Variants in CD59 observed in about 807,000 individuals in gnomAD.
CD59 encodes CD59 molecule (CD59 blood group).
A neutral mutation model predicts 7.0 loss-of-function variants in CD59; 3 were observed. The observed-to-expected ratio is 0.43, with a 90% CI of 0.19 to 1.10. CD59 has a LOEUF of 1.10. Among genes scored for constraint, CD59 ranks in the 50% least tolerant of loss-of-function variants. CD59 has a pLI of 0.29. For synonymous variants in CD59, 60 were observed against 62.0 expected (o/e 0.97, Z 0.15); for missense variants, 143 against 151.0 (o/e 0.95, Z 0.28).
At chr11:33,724,839 G>A (rs1365675735) in intron 1 of CD59, among the ~76,000 whole-genome samples, 1 of 152,300 alleles carries the variant, frequency 6.6e-6, no homozygotes, top group Non-Finnish European at 1.5e-5. Context: ...GGGAAGCCAA[G>A]ACAGCAGAGA....
At chr11:33,733,933 A>G (rs1045139167) in intron 1 of CD59, among the ~76,000 whole-genome samples, 1 of 152,198 alleles carries the variant, frequency 6.6e-6, no homozygotes, top group Non-Finnish European at 1.5e-5. Flanking sequence ...AATAAAACCC[A>G]ATGTTTTTAT....
intron 1 of CD59, among the ~76,000 whole-genome samples, chr11:33,731,688 G>C (rs1854421767): frequency 6.6e-6 from 1 of 152,232 alleles, no homozygotes; most frequent in South Asian, 2.1e-4. Context: ...GGGTTAGAGG[G>C]TGACCTGGCA....
In CD59 at chr11:33,706,570, A is replaced by C. The variant is rs1324060058; in HGVS notation, c.*3556T>G. On this transcript the variant is annotated 3_prime_UTR_variant, in exon 4 of 4. Transcript: ENST00000642928. ...AGGGTTTAAAAAAAAAAAAAAAAAA[A>C]AACTTGTCCAGAGACATAGCCAATT... 3 of 151,960 alleles carry C rather than the reference A, an allele frequency of 2.0e-5. No individual in the cohort carries two copies. Among genetic ancestry groups the C allele is most frequent in the Admixed American group, 1.3e-4 (2 of 15,258 alleles). 9.4% of individuals were successfully genotyped at this position (151,960 alleles called of 1,614,324 possible). A position where few individuals can be genotyped will look rare whatever the true frequency, so the allele number is the denominator to read the frequency against.
rs1220752831 is a variant in CD59, at chr11:33,723,011, G to C, written c.-18-548C>G. 4 of 1,009,230 alleles carry C rather than the reference G, an allele frequency of 4.0e-6. No individual in the cohort carries two copies. The African/African-American group carries it at 6.9e-5, about 17-fold the overall frequency. 62.5% of individuals were successfully genotyped at this position (1,009,230 alleles called of 1,614,324 possible). On this transcript the variant is annotated intron_variant, in intron 1 of 3. Transcript: ENST00000642928. ...AGAGAGGTATTGAGCAACTTTGTAA[G>C]TTTCCATTACGTGAATGCCTAGATG... is the stretch of plus-strand genomic sequence containing the variant.
At chr11:33,734,588 C>T (rs1854510652) in intron 1 of CD59, among the ~76,000 whole-genome samples, 1 of 152,222 alleles carries the variant, frequency 6.6e-6, no homozygotes, top group Non-Finnish European at 1.5e-5. Context: ...AAATCTGCAG[C>T]TTCCCCTACA....
chr11:33,711,631 T>G (rs1853564627), intron 3 of CD59: 1 of 512,434 alleles, frequency 2.0e-6, no homozygotes, highest in Non-Finnish European at 3.4e-6. Context: ...GAGCTATGAT[T>G]GTACTGCTGC....
rs1390656103 is a variant in CD59, at chr11:33,704,664, T to A, written c.*5462A>T. 6.6e-6 allele frequency: 1 copy of A among 152,212 alleles called. No individual in the cohort carries two copies. The highest frequency in any genetic ancestry group is 1.5e-5 in the Non-Finnish European group (1 of 68,030). 9.4% of individuals were successfully genotyped at this position (152,212 alleles called of 1,614,324 possible). On this transcript the variant is annotated 3_prime_UTR_variant, in exon 4 of 4. Transcript: ENST00000642928. Reference sequence around the variant, plus strand: ...CTGAGGCATGTAAGGTTAAGTAACTTGCCTGAGGGTCGCCGATTAGCATCA... The same window carrying A: ...CTGAGGCATGTAAGGTTAAGTAACTAGCCTGAGGGTCGCCGATTAGCATCA...
At position 33,705,189 on chromosome 11, in the gene CD59, A is replaced by G. The variant is rs1853261924; in HGVS notation, c.*4937T>C. 1 of 152,206 alleles carries G rather than the reference A, an allele frequency of 6.6e-6. No homozygotes were observed. Among genetic ancestry groups the G allele is most frequent in the South Asian group, 2.1e-4 (1 of 4,834 alleles). 9.4% of individuals were successfully genotyped at this position (152,206 alleles called of 1,614,324 possible). Reference sequence around the variant, plus strand: ...CTTGGGCAAAATAACCGTAGCTAACACTTAGTGACCACTTACTGTTGTGCG... The same window carrying G: ...CTTGGGCAAAATAACCGTAGCTAACGCTTAGTGACCACTTACTGTTGTGCG... On this transcript the variant is annotated 3_prime_UTR_variant, in exon 4 of 4. Coordinates refer to ENST00000642928, the MANE Select transcript of CD59 (RefSeq NM_000611.6).
intron 2 of CD59, 157 bp from the exon 3 acceptor site, chr11:33,717,628 TAC>T: frequency 4.6e-6 from 3 of 654,318 alleles, no homozygotes; most frequent in Admixed American, 4.3e-5. Flanking sequence ...AAATTCAAAC[TAC>T]AGTTCCAGCA....
intron 2 of CD59, chr11:33,718,570 T>C (rs1853908691): frequency 6.6e-6 from 1 of 152,124 alleles, no homozygotes. Context: ...TACCCCCTTC[T>C]AAGGGACTGA....
chr11:33,731,569 C>G (rs1353122628), intron 1 of CD59: 1 of 152,126 alleles, frequency 6.6e-6, no homozygotes, highest in Non-Finnish European at 1.5e-5. Flanking sequence ...GACTCCAGCC[C>G]TAGAGGTTTT....
chr11:33,714,543 A>G (rs968159682), intron 3 of CD59, among the ~76,000 whole-genome samples: 1 of 152,198 alleles, frequency 6.6e-6, no homozygotes, highest in Non-Finnish European at 1.5e-5. Flanking sequence ...AGTCCACACT[A>G]AGCTTATTTT....
chr11:33,710,088 G>A lies in CD59; in HGVS notation c.*38C>T, dbSNP rs745640190. The A allele has an allele frequency of 1.4e-6, 2 of 1,464,938 alleles. No homozygotes were observed. Among genetic ancestry groups the A allele is most frequent in the Non-Finnish European group, 1.9e-6 (2 of 1,052,052 alleles). 90.7% of individuals were successfully genotyped at this position (1,464,938 alleles called of 1,614,324 possible). A position where few individuals can be genotyped will look rare whatever the true frequency, so the allele number is the denominator to read the frequency against. On this transcript the variant is annotated 3_prime_UTR_variant, in exon 4 of 4. Transcript: ENST00000642928. ...GCAGCAAGAGAAAGCGGACTACGCA[G>A]GAACGGGGAGTTTGGGAGAAGCTCT...
At chr11:33,723,396 T>C (rs1369753016) in intron 1 of CD59, among the ~76,000 whole-genome samples, 3 of 152,138 alleles carry the variant, frequency 2.0e-5, no homozygotes, top group Non-Finnish European at 4.4e-5. Context: ...TTCTCACACA[T>C]CTTGAAGGTC....
chr11:33,734,983 C>T (rs376952613), intron 1 of CD59, among the ~76,000 whole-genome samples: 2 of 152,204 alleles, frequency 1.3e-5, no homozygotes, highest in African/African-American at 4.8e-5. Context: ...GTTTTTCTTA[C>T]AGCTAAGTTC....
chr11:33,710,368 A>G (rs375078912), intron 3 of CD59, 25 bp from the exon 4 acceptor site: 7 of 1,561,332 alleles, frequency 4.5e-6, no homozygotes, highest in Non-Finnish European at 6.2e-6. Context: ...ACACAAGGGT[A>G]AGAAAGTAAG....
Position 33,707,548 on chromosome 11 carries a change from A to ATC in CD59, c.*2577_*2578insGA, listed in dbSNP as rs1211474178. ...CAATCCAATGGGCTTATCACCACCC[A>ATC]ATACTGAACACTATGACAGTTCCTG... is the stretch of plus-strand genomic sequence containing the variant. On this transcript the variant is annotated 3_prime_UTR_variant, in exon 4 of 4. Transcript: ENST00000642928. 10 of 152,394 alleles carry ATC rather than the reference A, an allele frequency of 6.6e-5. No homozygotes were observed. Among genetic ancestry groups the ATC allele is most frequent in the Admixed American group, 4.6e-4 (7 of 15,304 alleles). 9.4% of individuals were successfully genotyped at this position (152,394 alleles called of 1,614,324 possible).
At chr11:33,711,420 C>T (rs1182729648) in intron 3 of CD59, 2 of 701,272 alleles carry the variant, frequency 2.9e-6, no homozygotes, top group African/African-American at 3.5e-5. Context: ...AGTGTGATGG[C>T]TCACACCTGT....
intron 3 of CD59, among the ~76,000 whole-genome samples, chr11:33,711,883 AATTGGAACCCTCAAAC>A (rs1483145078): frequency 6.6e-6 from 1 of 152,230 alleles, no homozygotes; most frequent in Non-Finnish European, 1.5e-5. Context: ...AAGTGGAAAA[AATTGGAACCCTCAAAC>A]ATTGCTGGTG....
Sources: gnomAD v4.1 joint callset for allele counts (sites outside exome capture counted in the v4.1 genomes callset) on GRCh38, gnomAD v4.1.1 for gene constraint, MANE v1.5 for transcripts, NCBI Gene and HGNC (gene_info 2026-07-23, HGNC 2026-07-21) for gene names.